Variants in SHISA9 observed in about 807,000 individuals in gnomAD.
SHISA9 encodes the protein protein shisa-9.
Under a neutral mutation model 38.0 loss-of-function variants are expected in SHISA9, and 13 were observed. The ratio of observed to expected loss-of-function variants is 0.34; its 90% CI spans 0.22 to 0.54. The LOEUF (loss-of-function observed/expected upper bound fraction) is 0.54. Among genes scored for constraint, SHISA9 ranks in the 20% least tolerant of loss-of-function variants. SHISA9 has a pLI of 0.91. For missense variants in SHISA9, 538 were observed against 575.8 expected, an observed-to-expected ratio of 0.93 and a Z score of 0.67; for synonymous variants, 275 against 242.0, an observed-to-expected ratio of 1.14 and a Z score of -1.27.
At chr16:13,548,217 T>C in the SHISA9 span, among the ~76,000 whole-genome samples, 1 of 152,084 alleles carries the variant, frequency 6.6e-6, no homozygotes, top group Non-Finnish European at 1.5e-5. Context: ...CAACTCACAA[T>C]GAATTAAAGA....
intron 2 of SHISA9, among the ~76,000 whole-genome samples, chr16:12,927,379 C>T (rs747054445): frequency 6.6e-6 from 1 of 152,126 alleles, no homozygotes; most frequent in Non-Finnish European, 1.5e-5. Context: ...GACTGCCAAT[C>T]TCAAAGCATA....
rs1425592357 is a variant in SHISA9, at chr16:12,901,969, C to T, written c.-96C>T. The T allele has an allele frequency of 1.8e-6, 2 of 1,108,690 alleles. No homozygotes were observed. The highest frequency in any genetic ancestry group is 2.7e-5 in the South Asian group (1 of 37,374). The allele number at this position is 1,108,690 out of a possible 1,614,324, so 68.7% of individuals were successfully genotyped here. ...GTGCGGCCCGCGGCGGCTCGCAGCT[C>T]CCGGCAGCAGCCTCGGCAGCTTCGG... On this transcript the variant is annotated 5_prime_UTR_variant, in exon 1 of 5. Transcript: ENST00000558583.
At chr16:12,928,760 A>G (rs902487267) in intron 2 of SHISA9, among the ~76,000 whole-genome samples, 7 of 152,250 alleles carry the variant, frequency 4.6e-5, no homozygotes, top group Admixed American at 2.0e-4. Flanking sequence ...TTGAATAGCA[A>G]CAAGGAATGG....
chr16:13,175,466 CAA>C (rs1367017909), intron 2 of SHISA9, among the ~76,000 whole-genome samples: 1 of 152,132 alleles, frequency 6.6e-6, no homozygotes, highest in Non-Finnish European at 1.5e-5. Context: ...GAATGGATGA[CAA>C]AAGTTATTTG....
the SHISA9 span, among the ~76,000 whole-genome samples, chr16:13,552,232 G>A: frequency 2.0e-5 from 3 of 152,154 alleles, no homozygotes; most frequent in Admixed American, 2.0e-4. Context: ...GCAGGGAGCT[G>A]GATCTGCTCT....
chr16:13,291,034 C>A, the SHISA9 span, among the ~76,000 whole-genome samples: 1 of 152,108 alleles, frequency 6.6e-6, no homozygotes, highest in Non-Finnish European at 1.5e-5. Flanking sequence ...GACCTGAGAT[C>A]TAATCTCTAG....
intron 2 of SHISA9, among the ~76,000 whole-genome samples, chr16:13,197,156 T>TAGAGAG (rs369827299): frequency 7.1e-6 from 1 of 141,298 alleles, no homozygotes; most frequent in African/African-American, 2.6e-5. Context: ...TATATATATA[T>TAGAGAG]AGAGAGAGAG....
chr16:12,980,599 A>G (rs573144303), intron 2 of SHISA9, among the ~76,000 whole-genome samples: 2 of 151,402 alleles, frequency 1.3e-5, no homozygotes, highest in South Asian at 4.2e-4. Context: ...CTCTTTTGGA[A>G]CTTTTTTAAA....
the SHISA9 span, among the ~76,000 whole-genome samples, chr16:13,498,980 C>T: frequency 1.4e-4 from 21 of 152,104 alleles, no homozygotes; most frequent in Non-Finnish European, 2.8e-4. Context: ...GAGAGGATAC[C>T]TATGGGTCTG....
At chr16:13,219,935 G>C (rs958734121) in intron 4 of SHISA9, among the ~76,000 whole-genome samples, 19 of 152,110 alleles carry the variant, frequency 1.2e-4, no homozygotes, top group Admixed American at 1.1e-3. Context: ...TCCAGCCTGG[G>C]TGACAGAGTG....
intron 2 of SHISA9, among the ~76,000 whole-genome samples, chr16:13,069,531 ATG>A (rs2073485426): frequency 2.0e-5 from 3 of 151,788 alleles, no homozygotes; most frequent in South Asian, 2.1e-4. Flanking sequence ...TGTACACACA[ATG>A]TGTGCATGTG....
chr16:13,018,971 T>C (rs756982106), intron 2 of SHISA9, among the ~76,000 whole-genome samples: 2 of 152,330 alleles, frequency 1.3e-5, no homozygotes, highest in South Asian at 4.1e-4. Context: ...TATCATAGAC[T>C]GAGTGCCTTA....
the SHISA9 span, among the ~76,000 whole-genome samples, chr16:13,352,223 A>G: frequency 6.6e-6 from 1 of 152,220 alleles, no homozygotes; most frequent in African/African-American, 2.4e-5. Context: ...ATATTGGGAG[A>G]ACAGAGTGCA....
the SHISA9 span, among the ~76,000 whole-genome samples, chr16:13,311,552 T>G: frequency 6.6e-6 from 1 of 152,188 alleles, no homozygotes; most frequent in Non-Finnish European, 1.5e-5. Context: ...TAGCTTGGGC[T>G]GAGTAATGTT....
intron 2 of SHISA9, among the ~76,000 whole-genome samples, chr16:13,076,364 T>A (rs977245018): frequency 4.6e-5 from 7 of 152,316 alleles, no homozygotes; most frequent in African/African-American, 1.7e-4. Flanking sequence ...AAGATGCTAC[T>A]CTGCCTCTGC....
At chr16:13,380,072 G>T in the SHISA9 span, among the ~76,000 whole-genome samples, 1 of 151,786 alleles carries the variant, frequency 6.6e-6, no homozygotes, top group African/African-American at 2.4e-5. Context: ...AAGTAGAACC[G>T]AAAGACGAAG....
At chr16:13,364,156 G>A in the SHISA9 span, among the ~76,000 whole-genome samples, 1 of 152,198 alleles carries the variant, frequency 6.6e-6, no homozygotes, top group Admixed American at 6.5e-5. Context: ...ATTGTCATTG[G>A]CTTAGCATTG....
At chr16:13,477,757 C>T in the SHISA9 span, among the ~76,000 whole-genome samples, 1 of 152,094 alleles carries the variant, frequency 6.6e-6, no homozygotes, top group Non-Finnish European at 1.5e-5. Flanking sequence ...TTGAGGTCAG[C>T]AGTTCAAGAC....
intron 2 of SHISA9, among the ~76,000 whole-genome samples, chr16:12,921,270 AG>A (rs1165544394): frequency 1.3e-5 from 2 of 152,252 alleles, no homozygotes; most frequent in African/African-American, 2.4e-5. Context: ...CAGAAAGAGC[AG>A]GATGCTATTC....
Sources: allele counts gnomAD v4.1 joint callset (sites outside exome capture counted in the v4.1 genomes callset), GRCh38; gene constraint gnomAD v4.1.1; transcripts MANE v1.5; gene names NCBI Gene and HGNC (gene_info 2026-07-23, HGNC 2026-07-21).